The following CALD1 variants were observed in gnomAD, a reference collection of about 807,000 sequenced individuals.
The protein encoded by CALD1 is caldesmon.
CALD1 carries 33 observed loss-of-function variants against 99.9 expected under a neutral mutation model. The observed-to-expected ratio is 0.33, with a 90% CI of 0.25 to 0.44. The LOEUF is 0.44. CALD1 is among the 20% of genes least tolerant of loss of function. The pLI, the probability that CALD1 is intolerant of heterozygous loss-of-function variation, is 1.00. For synonymous variants in CALD1, 310 were observed against 325.0 expected (o/e 0.95, Z 0.50); for missense variants, 861 against 962.1 (o/e 0.89, Z 1.39).
intron 1 of CALD1, among the ~76,000 whole-genome samples, chr7:134,762,785 C>A (rs1301949739): frequency 6.6e-6 from 1 of 152,134 alleles, no homozygotes; most frequent in Non-Finnish European, 1.5e-5. Flanking sequence ...CAATCACCTC[C>A]CACCAGGCCC....
upstream of CALD1, among the ~76,000 whole-genome samples, chr7:134,777,916 A>G (rs932288644): frequency 4.6e-5 from 7 of 152,338 alleles, no homozygotes; most frequent in African/African-American, 1.7e-4. Context: ...TAAATCATTT[A>G]TCTGGGATCA....
intron 2 of CALD1, among the ~76,000 whole-genome samples, chr7:134,860,626 T>A (rs556081536): frequency 1.0e-3 from 155 of 152,278 alleles, no homozygotes; most frequent in Non-Finnish European, 1.7e-3. Context: ...TGTGGAAAAA[T>A]TTTTTTAAAG....
chr7:134,809,306 G>A (rs534281116), intron 1 of CALD1, among the ~76,000 whole-genome samples: 7 of 152,240 alleles, frequency 4.6e-5, no homozygotes, highest in South Asian at 4.2e-4. Context: ...TGAAGCTGAC[G>A]GGTCAGAACT....
At chr7:134,841,423 G>C (rs1045816063) in intron 1 of CALD1, among the ~76,000 whole-genome samples, 1 of 152,094 alleles carries the variant, frequency 6.6e-6, no homozygotes, top group African/African-American at 2.4e-5. Flanking sequence ...CAAATTATGT[G>C]ACTTCCTGCC....
intron 1 of CALD1, among the ~76,000 whole-genome samples, chr7:134,756,572 AT>A (rs1367371823): frequency 6.6e-6 from 1 of 152,136 alleles, no homozygotes; most frequent in Non-Finnish European, 1.5e-5. Context: ...TATAAATTAT[AT>A]GGAGTTCTCA....
chr7:134,884,109 G>GA (rs71172481), intron 3 of CALD1, among the ~76,000 whole-genome samples: 86,258 of 146,414 alleles, frequency 0.59, 25,456 homozygotes, highest in East Asian at 0.92. Flanking sequence ...TCTCAAAAAA[G>GA]AAAAAAAAAA....
the CALD1 span, among the ~76,000 whole-genome samples, chr7:134,722,393 G>GTTTATTTA: frequency 1.0e-3 from 152 of 150,870 alleles, no homozygotes; most frequent in Middle Eastern, 3.4e-3. Flanking sequence ...GTTCGATTTT[G>GTTTATTTA]TTTATTTATT....
At chr7:134,880,308 C>T (rs1012291692) in intron 3 of CALD1, among the ~76,000 whole-genome samples, 8 of 152,132 alleles carry the variant, frequency 5.3e-5, no homozygotes, top group Non-Finnish European at 8.8e-5. Context: ...CTACTGTGCC[C>T]GCTTAGAATA....
chr7:134,847,125 G>A (rs571280494), intron 2 of CALD1, among the ~76,000 whole-genome samples: 64 of 152,310 alleles, frequency 4.2e-4, no homozygotes, highest in Non-Finnish European at 8.7e-4. Flanking sequence ...TAAGCACTTC[G>A]AAGGCTTTGC....
chr7:134,906,002 T>G (rs1803356930), intron 3 of CALD1, among the ~76,000 whole-genome samples: 1 of 147,098 alleles, frequency 6.8e-6, no homozygotes, highest in Non-Finnish European at 1.5e-5. Flanking sequence ...CGATCTTGGC[T>G]CACTGCAACC....
rs1808952219 is a variant in CALD1 at position 134,970,205 on chromosome 7, G to C, written c.*1860G>C. On this transcript the variant is annotated 3_prime_UTR_variant, in exon 15 of 15. Transcript: ENST00000361675. The stretch of plus-strand genomic sequence containing the variant: ...TTTACAAATACAAGTGTCCCAGGTA[G>C]CATTGACTCCCGTCATTGGAGTGAA... 1 of 152,220 alleles carries C rather than the reference G, an allele frequency of 6.6e-6. No individual in the cohort carries two copies. The highest frequency in any genetic ancestry group is 2.4e-5 in the African/African-American group (1 of 41,464). The allele number at this position is 152,220 out of a possible 1,614,324, so 9.4% of individuals were successfully genotyped here.
chr7:134,864,245 G>A (rs1218650678), intron 2 of CALD1, among the ~76,000 whole-genome samples: 1 of 151,746 alleles, frequency 6.6e-6, no homozygotes, highest in African/African-American at 2.4e-5. Flanking sequence ...TACTCAGGAG[G>A]CTGAAGCAGG....
At chr7:134,749,626 A>T (rs1212894374) in intron 1 of CALD1, among the ~76,000 whole-genome samples, 1 of 152,088 alleles carries the variant, frequency 6.6e-6, no homozygotes, top group Non-Finnish European at 1.5e-5. Flanking sequence ...CAGAAGAGTG[A>T]GGTAAGGCAT....
chr7:134,754,927 A>G (rs1056229933), intron 1 of CALD1, among the ~76,000 whole-genome samples: 2 of 152,212 alleles, frequency 1.3e-5, no homozygotes, highest in Non-Finnish European at 2.9e-5. Context: ...TGTCAAATTT[A>G]TACCTCACCT....
the CALD1 span, among the ~76,000 whole-genome samples, chr7:134,721,247 C>T: frequency 1.3e-5 from 2 of 149,186 alleles, no homozygotes; most frequent in African/African-American, 5.0e-5. Context: ...TCAAGAACGG[C>T]GATTTTCAGT....
chr7:134,944,380 T>G (rs1806691699), intron 7 of CALD1: 1 of 151,202 alleles, frequency 6.6e-6, no homozygotes, highest in South Asian at 2.1e-4. Context: ...CTCTATGCAG[T>G]GCACTCTGAT....
intron 3 of CALD1, among the ~76,000 whole-genome samples, chr7:134,870,774 C>T (rs1801035651): frequency 6.6e-6 from 1 of 151,644 alleles, no homozygotes; most frequent in Non-Finnish European, 1.5e-5. Context: ...AAGAGTAGTA[C>T]TTACATAATT....
chr7:134,828,895 T>A (rs1799111837), intron 1 of CALD1, among the ~76,000 whole-genome samples: 1 of 152,258 alleles, frequency 6.6e-6, no homozygotes, highest in African/African-American at 2.4e-5. Flanking sequence ...TTCATTCTTT[T>A]ATTCAGAATA....
intron 3 of CALD1, chr7:134,891,565 C>T (rs958831798): frequency 1.9e-6 from 3 of 1,569,398 alleles, no homozygotes; most frequent in Non-Finnish European, 2.6e-6. Flanking sequence ...CCTGACCGCC[C>T]GGCCTGGCCA....
Sources: gnomAD v4.1 joint callset for allele counts (sites outside exome capture counted in the v4.1 genomes callset) on GRCh38, gnomAD v4.1.1 for gene constraint, MANE v1.5 for transcripts, NCBI Gene and HGNC (gene_info 2026-07-23, HGNC 2026-07-21) for gene names.